LEKR1: variants seen among roughly 807,000 people sequenced by gnomAD.
The protein encoded by LEKR1 is protein LEKR1.
LEKR1 carries 59 observed loss-of-function variants against 72.4 expected under a neutral mutation model. That is an observed-to-expected ratio of 0.82 (90% CI 0.66 to 1.01). The LOEUF (loss-of-function observed/expected upper bound fraction) is 1.01. Among genes scored for constraint, LEKR1 ranks in the 50% least tolerant of loss-of-function variants. The pLI, the probability that LEKR1 is intolerant of heterozygous loss-of-function variation, is 0.00. For missense variants in LEKR1, 728 were observed against 759.2 expected (o/e 0.96, Z 0.48); for synonymous variants, 257 against 263.2 (o/e 0.98, Z 0.23).
At chr3:156,901,174 A>G (rs1484810027) in intron 3 of LEKR1, among the ~76,000 whole-genome samples, 1 of 152,022 alleles carries the variant, frequency 6.6e-6, no homozygotes, top group Non-Finnish European at 1.5e-5. Flanking sequence ...TCTTTCTAAC[A>G]AATTTTCTTT....
At chr3:156,886,394 A>G (rs1260879372) in intron 3 of LEKR1, among the ~76,000 whole-genome samples, 1 of 152,036 alleles carries the variant, frequency 6.6e-6, no homozygotes, top group Non-Finnish European at 1.5e-5. Context: ...TGCCCACTCC[A>G]TCAGTGGCGC....
intron 9 of LEKR1, among the ~76,000 whole-genome samples, chr3:157,000,353 A>G (rs1731908629): frequency 6.6e-6 from 1 of 152,238 alleles, no homozygotes; most frequent in African/African-American, 2.4e-5. Flanking sequence ...ACTAGTGATT[A>G]GCTATATCTA....
chr3:156,869,906 T>C (rs1460543281), intron 3 of LEKR1, among the ~76,000 whole-genome samples: 1 of 152,042 alleles, frequency 6.6e-6, no homozygotes, highest in Non-Finnish European at 1.5e-5. Context: ...GGGGTCCAAT[T>C]TCATTCTCCT....
chr3:156,914,369 T>A (rs1439236090), intron 3 of LEKR1, among the ~76,000 whole-genome samples: 1 of 152,142 alleles, frequency 6.6e-6, no homozygotes, highest in Non-Finnish European at 1.5e-5. Flanking sequence ...CGTGTCCATG[T>A]ATTCTCATTA....
At chr3:156,977,508 T>G (rs1280758264) in intron 6 of LEKR1, 1 of 404,280 alleles carries the variant, frequency 2.5e-6, no homozygotes, top group East Asian at 7.3e-5. Context: ...TAGGTCATAG[T>G]GCAGCCTGGG....
intron 6 of LEKR1, among the ~76,000 whole-genome samples, chr3:156,968,210 G>T (rs1479132163): frequency 6.6e-6 from 1 of 152,190 alleles, no homozygotes; most frequent in Non-Finnish European, 1.5e-5. Context: ...GGAAGAAACT[G>T]CATCAACTAA....
intron 4 of LEKR1, 74 bp from the exon 5 acceptor site, chr3:156,927,355 T>G: frequency 6.7e-6 from 4 of 596,102 alleles, no homozygotes; most frequent in Non-Finnish European, 9.3e-6. Flanking sequence ...ATGGTCACTC[T>G]AAAACTATTT....
intron 10 of LEKR1, among the ~76,000 whole-genome samples, chr3:157,019,534 A>G (rs1733642198): frequency 6.6e-6 from 1 of 152,146 alleles, no homozygotes; most frequent in African/African-American, 2.4e-5. Context: ...ATAATAATTG[A>G]TTTTACTTTG....
At chr3:157,019,795 CT>C (rs1475958288) in intron 10 of LEKR1, among the ~76,000 whole-genome samples, 5 of 152,158 alleles carry the variant, frequency 3.3e-5, no homozygotes, top group Non-Finnish European at 7.4e-5. Flanking sequence ...TAATGTACCC[CT>C]TAAGCAAATC....
chr3:156,875,484 A>G (rs1181466988), intron 3 of LEKR1, among the ~76,000 whole-genome samples: 3 of 151,834 alleles, frequency 2.0e-5, no homozygotes. Context: ...CGGTCTGTTT[A>G]CTCTGCTGAT....
chr3:156,866,171 C>G (rs1449226811), intron 3 of LEKR1, among the ~76,000 whole-genome samples: 1 of 152,006 alleles, frequency 6.6e-6, no homozygotes, highest in African/African-American at 2.4e-5. Context: ...TTGAGGAATT[C>G]TCCTTTGTCT....
chr3:156,966,718 CA>C (rs1214369473), intron 6 of LEKR1, among the ~76,000 whole-genome samples: 1 of 152,196 alleles, frequency 6.6e-6, no homozygotes, highest in Non-Finnish European at 1.5e-5. Flanking sequence ...CATAGCCAAA[CA>C]AAAGGCATCA....
intron 12 of LEKR1, among the ~76,000 whole-genome samples, chr3:157,034,992 C>A (rs1290344139): frequency 1.3e-5 from 2 of 152,104 alleles, no homozygotes; most frequent in African/African-American, 4.8e-5. Flanking sequence ...CTTGATCAGT[C>A]AACAGCCATC....
chr3:156,927,694 T>C (rs1251867478), intron 5 of LEKR1, 90 bp downstream of exon 5: 2 of 488,286 alleles, frequency 4.1e-6, no homozygotes, highest in East Asian at 2.3e-4. Flanking sequence ...TTTTATTTGA[T>C]GGGAATTAGG....
At chr3:156,896,739 A>G (rs1329629771) in intron 3 of LEKR1, among the ~76,000 whole-genome samples, 1 of 152,216 alleles carries the variant, frequency 6.6e-6, no homozygotes, top group African/African-American at 2.4e-5. Flanking sequence ...ATACATACAT[A>G]TGCATGCATA....
chr3:156,937,424 G>A (rs1725820015), intron 5 of LEKR1, among the ~76,000 whole-genome samples: 1 of 152,104 alleles, frequency 6.6e-6, no homozygotes, highest in Admixed American at 6.6e-5. Context: ...TGAAAAAAAT[G>A]TTCAACATCA....
chr3:157,036,898 A>G (rs1735005340), intron 12 of LEKR1, among the ~76,000 whole-genome samples: 1 of 152,182 alleles, frequency 6.6e-6, no homozygotes, highest in South Asian at 2.1e-4. Flanking sequence ...TAATATCAAC[A>G]CCCAGAAAAT....
chr3:156,836,280 T>C (rs1338986526), intron 2 of LEKR1, among the ~76,000 whole-genome samples: 1 of 152,184 alleles, frequency 6.6e-6, no homozygotes, highest in Non-Finnish European at 1.5e-5. Flanking sequence ...CTTACAATTT[T>C]GTGGGTTTCA....
At chr3:156,860,559 AT>A (rs1716649435) in intron 3 of LEKR1, among the ~76,000 whole-genome samples, 1 of 152,178 alleles carries the variant, frequency 6.6e-6, no homozygotes, top group African/African-American at 2.4e-5. Context: ...TTGAGACCAA[AT>A]TAATGCAGAG....
Sources: allele counts gnomAD v4.1 joint callset (sites outside exome capture counted in the v4.1 genomes callset), GRCh38; gene constraint gnomAD v4.1.1; transcripts MANE v1.5; gene names NCBI Gene and HGNC (gene_info 2026-07-23, HGNC 2026-07-21).